COBLL1: variants seen among roughly 807,000 people sequenced by gnomAD.
COBLL1 encodes the protein cordon-bleu WH2 repeat protein like 1, also known as cordon-bleu protein-like 1.
COBLL1 carries 50 observed loss-of-function variants against 94.8 expected under a neutral mutation model. The observed-to-expected ratio is 0.53, with a 90% CI of 0.42 to 0.67. The LOEUF is 0.67. COBLL1 is among the 30% of genes least tolerant of loss of function. The pLI is 0.00. For synonymous variants in COBLL1, 448 were observed against 473.8 expected (o/e 0.95, Z 0.71); for missense variants, 1,362 against 1,348.7 (o/e 1.01, Z -0.15).
chr2:164,670,552 T>C (rs1691227013), intron 1 of COBLL1, among the ~76,000 whole-genome samples: 1 of 152,264 alleles, frequency 6.6e-6, no homozygotes, highest in African/African-American at 2.4e-5. Flanking sequence ...AGTTCTGTTA[T>C]GGCTTTCTAA....
intron 10 of COBLL1, among the ~76,000 whole-genome samples, chr2:164,700,244 C>T (rs561942395): frequency 6.6e-6 from 1 of 152,176 alleles, no homozygotes; most frequent in South Asian, 2.1e-4. Flanking sequence ...AGGCAAAACA[C>T]CCACAAAAAG....
At chr2:164,783,789 A>G (rs1559012067) in intron 2 of COBLL1, among the ~76,000 whole-genome samples, 1 of 152,078 alleles carries the variant, frequency 6.6e-6, no homozygotes, top group Non-Finnish European at 1.5e-5. Context: ...CAACATAGCG[A>G]GATCCAATCA....
chr2:164,725,976 G>T (rs183616432), intron 5 of COBLL1, among the ~76,000 whole-genome samples: 20 of 152,172 alleles, frequency 1.3e-4, no homozygotes, highest in Admixed American at 1.2e-3. Flanking sequence ...AGGAGGCAAG[G>T]GTAGTGACAG....
At chr2:164,830,756 A>C (rs1683037197) in intron 2 of COBLL1, among the ~76,000 whole-genome samples, 1 of 152,242 alleles carries the variant, frequency 6.6e-6, no homozygotes, top group African/African-American at 2.4e-5. Context: ...ATTATATTTC[A>C]AAATGATGTA....
At chr2:164,687,662 T>C (rs1425467789) in intron 13 of COBLL1, 2 of 815,738 alleles carry the variant, frequency 2.5e-6, no homozygotes, top group African/African-American at 3.3e-5. Context: ...CAAGGTCCCT[T>C]AGAGCAACCT....
At position 164,824,229 on chromosome 2, in the gene COBLL1, A is replaced by C. The variant is rs958505189; in HGVS notation, c.41+16927T>G. ...AAACCAAGTCTCTATTAAAAATAAA[A>C]AATTATCTGGGCATGGTGGTGTATG... is the stretch of plus-strand genomic sequence containing the variant. On this transcript the variant is annotated intron_variant, in intron 2 of 13. Coordinates refer to ENST00000652658, the MANE Select transcript of COBLL1 (RefSeq NM_001365672.2). Among the ~76,000 whole-genome samples the C allele has an allele frequency of 1.4e-4, 21 of 151,974 alleles. 1 individual carries two copies. Among genetic ancestry groups the C allele is most frequent in the Non-Finnish European group, 1.5e-5 (1 of 67,996 alleles).
intron 1 of COBLL1, among the ~76,000 whole-genome samples, chr2:164,674,591 G>A (rs1429610609): frequency 6.6e-6 from 1 of 152,028 alleles, no homozygotes; most frequent in Non-Finnish European, 1.5e-5. Flanking sequence ...TAACATCAAT[G>A]AAGCATTTAG....
At chr2:164,729,843 T>C in intron 4 of COBLL1, 71 bp downstream of exon 4, 1 of 1,359,964 alleles carries the variant, frequency 7.4e-7, no homozygotes, top group Non-Finnish European at 1.0e-6. Context: ...TAAAGTCCAT[T>C]TTTATTTCAC....
intron 2 of COBLL1, among the ~76,000 whole-genome samples, chr2:164,762,653 T>G (rs355838): frequency 0.68 from 103,003 of 151,558 alleles, 36,802 homozygotes; most frequent in African/African-American, 0.92. Flanking sequence ...ATAAGGTAAG[T>G]GTGAACAAAC....
intron 2 of COBLL1, among the ~76,000 whole-genome samples, chr2:164,665,618 T>C (rs536832745): frequency 7.2e-5 from 11 of 152,314 alleles, no homozygotes; most frequent in Non-Finnish European, 1.6e-4. Context: ...TTTAACACCA[T>C]TGCTGCTATT....
At chr2:164,835,070 C>A (rs542281756) in intron 2 of COBLL1, among the ~76,000 whole-genome samples, 6 of 149,228 alleles carry the variant, frequency 4.0e-5, no homozygotes, top group East Asian at 3.9e-4. Context: ...TAAAAAAAAA[C>A]AAAACAAAAA....
At chr2:164,734,680 C>A (rs1686206052) in intron 3 of COBLL1, among the ~76,000 whole-genome samples, 2 of 152,042 alleles carry the variant, frequency 1.3e-5, no homozygotes, top group Admixed American at 1.3e-4. Context: ...GAAGCTAATG[C>A]AGAAAGGAGA....
chr2:164,790,698 T>C (rs1174419616), intron 2 of COBLL1, among the ~76,000 whole-genome samples: 1 of 152,204 alleles, frequency 6.6e-6, no homozygotes, highest in East Asian at 1.9e-4. Context: ...GAATTGTTTC[T>C]CTTAACTTAC....
At chr2:164,750,594 C>T (rs1288782341) in intron 2 of COBLL1, among the ~76,000 whole-genome samples, 1 of 152,222 alleles carries the variant, frequency 6.6e-6, no homozygotes, top group East Asian at 1.9e-4. Flanking sequence ...CTATTCTCCC[C>T]TGTAGTAGTC....
chr2:164,678,157 G>A (rs1691368771), downstream of COBLL1, among the ~76,000 whole-genome samples: 1 of 152,152 alleles, frequency 6.6e-6, no homozygotes. Context: ...AGACATTTCT[G>A]AAGGAGAAGA....
rs922098447 is a variant in COBLL1 at position 164,841,444 on chromosome 2, A to T, written c.-50-198T>A. On this transcript the variant is annotated intron_variant, in intron 1 of 13. Coordinates refer to ENST00000652658, the MANE Select transcript of COBLL1 (RefSeq NM_001365672.2). The surrounding 1 kb of genome is among the most constrained non-coding windows in gnomAD (Gnocchi z 5.5). Reference sequence around the variant, plus strand: ...TCTCTACAAGGTCTAGCGGGCGCCCAGAGCACGGCGGAGGAGGCGGTGGCG... The same window carrying T: ...TCTCTACAAGGTCTAGCGGGCGCCCTGAGCACGGCGGAGGAGGCGGTGGCG... The T allele has an allele frequency of 2.6e-6, 3 of 1,148,294 alleles. No individual in the cohort carries two copies. In the African/African-American group the frequency reaches 4.9e-5, roughly 19 times the overall value. The allele number at this position is 1,148,294 out of a possible 1,614,324, so 71.1% of individuals were successfully genotyped here.
At chr2:164,694,184 G>C in intron 12 of COBLL1, 85 bp downstream of exon 12, 1 of 1,292,068 alleles carries the variant, frequency 7.7e-7, no homozygotes, top group Non-Finnish European at 1.1e-6. Context: ...GAGTTAAGTA[G>C]CACACAAACA....
intron 2 of COBLL1, among the ~76,000 whole-genome samples, chr2:164,823,480 ACC>A (rs1443984876): frequency 9.2e-5 from 14 of 151,958 alleles, no homozygotes; most frequent in Admixed American, 9.2e-4. Flanking sequence ...AAACTTCCAA[ACC>A]TCTTACCCTC....
chr2:164,725,529 C>A (rs1356539821), intron 5 of COBLL1, among the ~76,000 whole-genome samples: 2 of 152,106 alleles, frequency 1.3e-5, no homozygotes, highest in African/African-American at 4.8e-5. Flanking sequence ...GGTGATCCTC[C>A]CACCTCAGCC....
Sources: allele counts gnomAD v4.1 joint callset (sites outside exome capture counted in the v4.1 genomes callset), GRCh38; gene constraint gnomAD v4.1.1; non-coding constraint Gnocchi (gnomAD v3.1); transcripts MANE v1.5; gene names NCBI Gene and HGNC (gene_info 2026-07-23, HGNC 2026-07-21).